The following DNAH7 variants were observed in gnomAD, a reference collection of about 807,000 sequenced individuals.
The protein encoded by DNAH7 is axonemal beta dynein heavy chain 7.
DNAH7 carries 397 observed loss-of-function variants against 444.6 expected under a neutral mutation model. The ratio of observed to expected loss-of-function variants is 0.89; its 90% CI spans 0.82 to 0.97. The LOEUF is 0.97. Among genes scored for constraint, DNAH7 ranks in the 50% least tolerant of loss-of-function variants. DNAH7 has a pLI of 0.00. For synonymous variants in DNAH7, 1,636 were observed against 1,624.4 expected (o/e 1.01, Z -0.17); for missense variants, 4,902 against 4,800.8 (o/e 1.02, Z -0.62).
At chr2:195,987,841 A>G (rs1693025605) in intron 13 of DNAH7, 116 bp downstream of exon 13, 1 of 1,042,558 alleles carries the variant, frequency 9.6e-7, no homozygotes, top group East Asian at 2.5e-5. Context: ...CTCAATAAAT[A>G]TTTTTCCTGT....
chr2:195,934,204 G>A (rs560564183), intron 21 of DNAH7, among the ~76,000 whole-genome samples: 5 of 152,192 alleles, frequency 3.3e-5, no homozygotes, highest in South Asian at 4.2e-4. Flanking sequence ...TATATACACC[G>A]AAAAAAAGAT....
At chr2:195,967,877 C>G (rs72917243) in intron 17 of DNAH7, among the ~76,000 whole-genome samples, 1 of 152,278 alleles carries the variant, frequency 6.6e-6, no homozygotes, top group Non-Finnish European at 1.5e-5. Flanking sequence ...ATATTGGCAT[C>G]TTTCTCCAGG....
rs764853370 is a variant in DNAH7, at chr2:195,988,018, A to AT, written c.1564dup (p.Ile522AsnfsTer4). 6.2e-7 allele frequency: 1 copy of AT among 1,612,944 alleles called. No homozygotes were observed. On this transcript the variant is annotated frameshift_variant, in exon 13 of 65. Coordinates refer to ENST00000312428, the MANE Select transcript of DNAH7 (RefSeq NM_018897.3). LOFTEE classifies it high-confidence loss of function. ...CTGGTATTTGCAAATTTCATCTATTATTTTTTCATAACTATGATTTTCTGC... is the reference window on the plus strand; with the variant it reads ...CTGGTATTTGCAAATTTCATCTATTATTTTTTTCATAACTATGATTTTCTGC...
At chr2:195,779,992 T>C (rs960274211) in intron 58 of DNAH7, among the ~76,000 whole-genome samples, 1 of 152,214 alleles carries the variant, frequency 6.6e-6, no homozygotes, top group South Asian at 2.1e-4. Flanking sequence ...TTTTTTCTAC[T>C]TAGTTTTAAA....
At chr2:196,059,603 C>A (rs957303323) in intron 1 of DNAH7, among the ~76,000 whole-genome samples, 1 of 152,216 alleles carries the variant, frequency 6.6e-6, no homozygotes, top group Non-Finnish European at 1.5e-5. Flanking sequence ...CAGCAGTCAG[C>A]AACCTTGTCA....
At position 195,960,110 on chromosome 2, in the gene DNAH7, C is replaced by A. The variant is rs989101542; in HGVS notation, c.2891+150G>T. 9 of 644,618 alleles carry A rather than the reference C, an allele frequency of 1.4e-5. No individual in the cohort carries two copies. The South Asian group carries it at 1.5e-4, about 11-fold the overall frequency. 39.9% of individuals were successfully genotyped at this position (644,618 alleles called of 1,614,324 possible). On this transcript the variant is annotated intron_variant, in intron 18 of 64. Transcript: ENST00000312428. ...GACCTTAAATATTTAGTATGAAATG[C>A]TAAGTATGAAATGCAAAATCAATTC...
chr2:196,068,795 G>C lies in DNAH7; in HGVS notation c.-84C>G. 5 of 1,515,568 alleles carry C rather than the reference G, an allele frequency of 3.3e-6. No homozygotes were observed. Among genetic ancestry groups the C allele is most frequent in the Non-Finnish European group, 4.5e-6 (5 of 1,122,520 alleles). 93.9% of individuals were successfully genotyped at this position (1,515,568 alleles called of 1,614,324 possible). Reference sequence around the variant, plus strand: ...CCTAGGACGATAGAGGCAGGGCCCCGGGACTTGCAGCGGTCTCAGCTCCCT... The same window carrying C: ...CCTAGGACGATAGAGGCAGGGCCCCCGGACTTGCAGCGGTCTCAGCTCCCT... On this transcript the variant is annotated 5_prime_UTR_variant, in exon 1 of 65. Transcript: ENST00000312428.
intron 61 of DNAH7, among the ~76,000 whole-genome samples, chr2:195,756,964 C>A (rs1483364377): frequency 6.6e-6 from 1 of 151,628 alleles, no homozygotes; most frequent in Non-Finnish European, 1.5e-5. Context: ...TGCACTCCAG[C>A]CTGGGTGACA....
chr2:195,931,970 G>A (rs985683578), intron 21 of DNAH7, among the ~76,000 whole-genome samples: 7 of 152,250 alleles, frequency 4.6e-5, no homozygotes, highest in Non-Finnish European at 1.0e-4. Flanking sequence ...AAAGTCATTG[G>A]TACTTTGATG....
At chr2:195,920,804 A>G (rs955079581) in intron 24 of DNAH7, among the ~76,000 whole-genome samples, 1 of 152,198 alleles carries the variant, frequency 6.6e-6, no homozygotes, top group African/African-American at 2.4e-5. Context: ...GGGAGAAAAT[A>G]TTTGCAAACT....
At chr2:196,044,201 ATATG>A (rs1281804936) in intron 5 of DNAH7, among the ~76,000 whole-genome samples, 15 of 132,666 alleles carry the variant, frequency 1.1e-4, no homozygotes, top group Non-Finnish European at 2.1e-4. Context: ...ATATATATAT[ATATG>A]TGTGTGTGTG....
At chr2:196,018,810 A>G (rs977365145) in intron 9 of DNAH7, among the ~76,000 whole-genome samples, 1 of 152,118 alleles carries the variant, frequency 6.6e-6, no homozygotes, top group Non-Finnish European at 1.5e-5. Flanking sequence ...TAAAATAACT[A>G]AAGGAGTATA....
chr2:195,947,920 A>G (rs924083953), intron 19 of DNAH7, among the ~76,000 whole-genome samples: 5 of 152,138 alleles, frequency 3.3e-5, no homozygotes, highest in African/African-American at 1.2e-4. Flanking sequence ...ACACTGTAAA[A>G]ACGTTCCTAT....
intron 5 of DNAH7, among the ~76,000 whole-genome samples, chr2:196,032,939 G>A (rs1696148687): frequency 6.6e-6 from 1 of 152,080 alleles, no homozygotes; most frequent in Non-Finnish European, 1.5e-5. Context: ...GGAATGCAAG[G>A]TTGCACTAAT....
intron 47 of DNAH7, among the ~76,000 whole-genome samples, chr2:195,835,884 T>C (rs1559131898): frequency 6.6e-6 from 1 of 152,062 alleles, no homozygotes; most frequent in Admixed American, 6.6e-5. Context: ...GTAGCTTAGA[T>C]AAAAAAGAAA....
intron 5 of DNAH7, among the ~76,000 whole-genome samples, chr2:196,042,196 C>T (rs1432914404): frequency 1.3e-5 from 2 of 151,704 alleles, no homozygotes; most frequent in Non-Finnish European, 3.0e-5. Flanking sequence ...TAGATTGTTG[C>T]AAAAGTAATT....
At chr2:195,926,046 A>G (rs1253463423) in intron 22 of DNAH7, among the ~76,000 whole-genome samples, 2 of 152,134 alleles carry the variant, frequency 1.3e-5, no homozygotes, top group East Asian at 3.8e-4. Context: ...TTATCTATAT[A>G]GGGTAGTTTT....
chr2:196,041,154 T>C (rs1468931162), intron 5 of DNAH7, among the ~76,000 whole-genome samples: 2 of 151,974 alleles, frequency 1.3e-5, no homozygotes, highest in African/African-American at 4.8e-5. Flanking sequence ...TTCAATACAC[T>C]CCCTATCAAA....
In DNAH7 at chr2:195,739,635, T is replaced by C. The variant is rs543973766; in HGVS notation, c.11868+1131A>G. Among the ~76,000 whole-genome samples, 4 of 152,324 alleles carry C rather than the reference T, an allele frequency of 2.6e-5. No individual in the cohort carries two copies. In the East Asian group the frequency reaches 5.8e-4, roughly 22 times the overall value. The stretch of plus-strand genomic sequence containing the variant: ...TTCAAGTCAAAGTATAAGAAAAATA[T>C]AATGAACACGTGTGTGTGTATGTAT... On this transcript the variant is annotated intron_variant, in intron 64 of 64. Coordinates refer to ENST00000312428, the MANE Select transcript of DNAH7 (RefSeq NM_018897.3).
Sources: gnomAD v4.1 joint callset for allele counts (sites outside exome capture counted in the v4.1 genomes callset) on GRCh38, gnomAD v4.1.1 for gene constraint, MANE v1.5 for transcripts, NCBI Gene and HGNC (gene_info 2026-07-23, HGNC 2026-07-21) for gene names.